Variants in RNF166 observed in about 807,000 individuals in gnomAD.
The protein encoded by RNF166 is E3 ubiquitin-protein ligase RNF166.
In RNF166, 19 loss-of-function variants were observed where a neutral mutation model predicts 29.4. The observed-to-expected ratio is 0.65, with a 90% CI of 0.45 to 0.95. RNF166 has a LOEUF of 0.95. Ranked by LOEUF, RNF166 falls within the 40% of genes least tolerant of loss-of-function variation. RNF166 has a pLI of 0.00. For synonymous variants in RNF166, 171 were observed against 134.5 expected (o/e 1.27, Z -1.88); for missense variants, 347 against 322.1 (o/e 1.08, Z -0.59).
chr16:88,702,501 T>C (rs1460148974), intron 1 of RNF166, among the ~76,000 whole-genome samples: 1 of 152,208 alleles, frequency 6.6e-6, no homozygotes, highest in Non-Finnish European at 1.5e-5. Context: ...TCCTCTTTGC[T>C]GTCAAGAGAT....
chr16:88,699,727 G>A lies in RNF166; in HGVS notation c.318C>T (p.Thr106=). ...AAATGTGCACTCTCATCTTTGCCAG[G>A]GTCACCTAGGAGACAGGGCAGGGAG... ...APCRGCNKKV[T]LAKMRVHISS... is the part of the protein sequence containing the mutation. The change falls in exon 3 of 6, where the codon ACC becomes ACT. Residue 106 remains threonine (T), a synonymous_variant. Transcript: ENST00000312838. 1.2e-6 allele frequency: 2 copies of A among 1,612,146 alleles called. No homozygotes were observed. Among genetic ancestry groups the A allele is most frequent in the African/African-American group, 1.3e-5 (1 of 75,038 alleles).
chr16:88,698,269 T>C, intron 5 of RNF166: 4 of 694,958 alleles, frequency 5.8e-6, no homozygotes, highest in Non-Finnish European at 1.0e-5. Context: ...CCCTGTGCGG[T>C]CCATGTCCCC....
chr16:88,702,032 C>G (rs552984645), intron 1 of RNF166, among the ~76,000 whole-genome samples: 96 of 152,306 alleles, frequency 6.3e-4, no homozygotes, highest in Non-Finnish European at 1.1e-3. Context: ...TCCTGGGCAC[C>G]CATGGGCCCT....
In RNF166 at chr16:88,696,505, C is replaced by T. The variant is rs1909649933; in HGVS notation, c.*1063G>A. ...GCCAGTCGAGGCTGCTAGAGATGCT[C>T]TGAGACATTTTATTTAAACTTTTTT... is the stretch of plus-strand genomic sequence containing the variant. On this transcript the variant is annotated 3_prime_UTR_variant, in exon 6 of 6. Coordinates refer to ENST00000312838, the MANE Select transcript of RNF166 (RefSeq NM_178841.4). 1 of 432,846 alleles carries T rather than the reference C, an allele frequency of 2.3e-6. No homozygotes were observed. The highest frequency in any genetic ancestry group is 4.5e-6 in the Non-Finnish European group (1 of 220,450). The allele number at this position is 432,846 out of a possible 1,614,324, so 26.8% of individuals were successfully genotyped here.
intron 2 of RNF166, chr16:88,700,630 A>C (rs547444474): frequency 4.1e-6 from 4 of 986,262 alleles, no homozygotes; most frequent in Non-Finnish European, 4.8e-6. Context: ...CTAGCTGCTC[A>C]GTCCTCCGGA....
chr16:88,703,193 C>T (rs1021880371), intron 1 of RNF166: 14 of 977,928 alleles, frequency 1.4e-5, no homozygotes, highest in Non-Finnish European at 1.7e-5. Flanking sequence ...GGGTGCCAGG[C>T]GAGGGGGAGA....
intron 1 of RNF166, chr16:88,701,676 C>G (rs890884385): frequency 2.2e-6 from 1 of 456,314 alleles, no homozygotes; most frequent in Non-Finnish European, 3.9e-6. Flanking sequence ...AGAGCCGTCA[C>G]TATGGCTGTC....
Position 88,706,255 on chromosome 16 carries a change from T to A in RNF166, c.71A>T (p.Asp24Val). Residue 24 changes from aspartate (D) to valine (V), a missense_variant, in exon 1 of 6, where the codon GAC becomes GTC. Transcript: ENST00000312838. ...GGTGTACTGCGCCTCCAGGCCGCTG[T>A]CGCCGCCCGCCGGCCCGGCCGGCGG... ...RQPPAGPAGG[D>V]SGLEAQYTCP... 1 of 1,301,602 alleles carries A rather than the reference T, an allele frequency of 7.7e-7. No individual in the cohort carries two copies. The allele number at this position is 1,301,602 out of a possible 1,614,324, so 80.6% of individuals were successfully genotyped here.
At position 88,701,357 on chromosome 16, in the gene RNF166, G is replaced by T; in HGVS notation, c.217C>A (p.Arg73Ser). ...QVPSPLCPLC[R>S]LPFDPKKVDK... ...ACCTTCTTGGGGTCGAAGGGCAGGC[G>T]GCAGAGTGGGCACAGCGGGGATGGC... Residue 73 changes from arginine (R) to serine (S), a missense_variant, in exon 2 of 6, where the codon CGC becomes AGC. Physicochemically the swap from Arg to Ser is moderately radical, Grantham distance 110. Coordinates refer to ENST00000312838, the MANE Select transcript of RNF166 (RefSeq NM_178841.4). The T allele has an allele frequency of 6.2e-7, 1 of 1,613,112 alleles. No individual in the cohort carries two copies. The highest frequency in any genetic ancestry group is 1.3e-5 in the African/African-American group (1 of 75,054).
chr16:88,706,245 C>T lies in RNF166; in HGVS notation c.81G>A (p.Leu27=). The change falls in exon 1 of 6, where the codon CTG becomes CTA. Residue 27 remains leucine, a synonymous_variant. Coordinates refer to ENST00000312838, the MANE Select transcript of RNF166 (RefSeq NM_178841.4). ...PAGPAGGDSG[L]EAQYTCPICL... is the part of the protein sequence containing the mutation. The stretch of plus-strand genomic sequence containing the variant: ...AGATGGGGCAGGTGTACTGCGCCTC[C>T]AGGCCGCTGTCGCCGCCCGCCGGCC... 7.6e-7 allele frequency: 1 copy of T among 1,310,986 alleles called. No individual in the cohort carries two copies. The highest frequency in any genetic ancestry group is 9.7e-7 in the Non-Finnish European group (1 of 1,027,312). 81.2% of individuals were successfully genotyped at this position (1,310,986 alleles called of 1,614,324 possible).
At position 88,706,330 on chromosome 16, in the gene RNF166, G is replaced by T; in HGVS notation, c.-5C>A. ...CAGGCTGCGGAACATAGCCATCCCG[G>T]GGCCAGGCCCGCGCCGCCCGCCGCC... On this transcript the variant is annotated 5_prime_UTR_variant, in exon 1 of 6. Transcript: ENST00000312838. 3 of 1,217,372 alleles carry T rather than the reference G, an allele frequency of 2.5e-6. No individual in the cohort carries two copies. The highest frequency in any genetic ancestry group is 3.1e-6 in the Non-Finnish European group (3 of 978,548). The allele number at this position is 1,217,372 out of a possible 1,614,324, so 75.4% of individuals were successfully genotyped here.
intron 2 of RNF166, chr16:88,700,657 G>C (rs986485129): frequency 1.0e-6 from 1 of 986,752 alleles, no homozygotes; most frequent in Non-Finnish European, 1.2e-6. Context: ...TGAAAGAACG[G>C]GGCGCTGGCT....
chr16:88,705,469 T>C (rs922689229), intron 1 of RNF166, among the ~76,000 whole-genome samples: 2 of 152,210 alleles, frequency 1.3e-5, no homozygotes, highest in African/African-American at 4.8e-5. Flanking sequence ...AGCTCCAGAA[T>C]ACTTGAGCAC....
chr16:88,703,437 A>G (rs1910468300), intron 1 of RNF166: 1 of 985,434 alleles, frequency 1.0e-6, no homozygotes, highest in Non-Finnish European at 1.2e-6. Context: ...GCTGGGAGGA[A>G]GACAGCCTCG....
chr16:88,701,117 G>T, intron 2 of RNF166, 145 bp downstream of exon 2: 1 of 1,267,144 alleles, frequency 7.9e-7, no homozygotes, highest in South Asian at 1.4e-5. Context: ...GAGGCGCCGG[G>T]GCTGGCTTCC....
chr16:88,697,546 AGGCGGGT>A lies in RNF166; in HGVS notation c.*15_*21del. ...CGGGGACATCCCTGACCCCAGACGC[AGGCGGGT>A]GGCTGCGCTTCCCTTCAGTTCTCAG... On this transcript the variant is annotated 3_prime_UTR_variant, in exon 6 of 6. Coordinates refer to ENST00000312838, the MANE Select transcript of RNF166 (RefSeq NM_178841.4). 6.5e-7 allele frequency: 1 copy of A among 1,539,900 alleles called. No homozygotes were observed. The highest frequency in any genetic ancestry group is 8.8e-7 in the Non-Finnish European group (1 of 1,139,958).
At chr16:88,699,135 C>T in intron 3 of RNF166, 50 bp from the exon 4 acceptor site, 1 of 1,258,224 alleles carries the variant, frequency 7.9e-7, no homozygotes, top group Non-Finnish European at 1.1e-6. Flanking sequence ...TCTAGGGGCT[C>T]TGCCTCCCCG....
chr16:88,697,557 T>C lies in RNF166; in HGVS notation c.*11A>G. ...CTGACCCCAGACGCAGGCGGGTGGC[T>C]GCGCTTCCCTTCAGTTCTCAGAGAG... is the stretch of plus-strand genomic sequence containing the variant. On this transcript the variant is annotated 3_prime_UTR_variant, in exon 6 of 6. Transcript: ENST00000312838. 6.5e-7 allele frequency: 1 copy of C among 1,546,592 alleles called. No individual in the cohort carries two copies. The highest frequency in any genetic ancestry group is 8.7e-7 in the Non-Finnish European group (1 of 1,144,676).
chr16:88,701,475 G>C (rs2142652683), intron 1 of RNF166, 57 bp from the exon 2 acceptor site: 2 of 1,474,432 alleles, frequency 1.4e-6, no homozygotes, highest in Admixed American at 4.6e-5. Context: ...CGAACCGCAG[G>C]CCTTGCTCGG....
Sources: gnomAD v4.1 joint callset for allele counts (sites outside exome capture counted in the v4.1 genomes callset) on GRCh38, gnomAD v4.1.1 for gene constraint, MANE v1.5 for transcripts, NCBI Gene and HGNC (gene_info 2026-07-23, HGNC 2026-07-21) for gene names.